Variants in NRG3 observed in about 807,000 individuals in gnomAD.
NRG3 encodes the protein neuregulin 3, also known as pro-neuregulin-3, membrane-bound isoform.
In NRG3, 31 loss-of-function variants were observed where a neutral mutation model predicts 66.9. The ratio of observed to expected loss-of-function variants is 0.46; its 90% CI spans 0.35 to 0.63. The LOEUF (loss-of-function observed/expected upper bound fraction) is 0.63, where lower values mean the gene tolerates loss of function less well. Among genes scored for constraint, NRG3 ranks in the 20% least tolerant of loss-of-function variants. The probability of loss-of-function intolerance (pLI) is 0.00; values close to 1 mark genes in which losing one functional copy is unlikely to be tolerated. For missense variants in NRG3, 910 were observed against 878.9 expected (o/e 1.04, Z -0.45); for synonymous variants, 393 against 359.4 (o/e 1.09, Z -1.06).
chr10:82,353,372 A>G (rs2083555868), intron 1 of NRG3, among the ~76,000 whole-genome samples: 2 of 152,188 alleles, frequency 1.3e-5, no homozygotes, highest in African/African-American at 2.4e-5. Context: ...CAATTCATTA[A>G]TAAATTAACT....
intron 4 of NRG3, among the ~76,000 whole-genome samples, chr10:82,950,375 G>A (rs984314868): frequency 4.6e-5 from 7 of 152,134 alleles, no homozygotes; most frequent in East Asian, 1.9e-4. Flanking sequence ...GTGTGGAGAC[G>A]ATATGGCTGA....
At chr10:82,818,203 T>C (rs759843660) in intron 3 of NRG3, among the ~76,000 whole-genome samples, 1 of 152,182 alleles carries the variant, frequency 6.6e-6, no homozygotes, top group Non-Finnish European at 1.5e-5. Context: ...TAACGCAGCG[T>C]TGCCATGGCA....
intron 1 of NRG3, among the ~76,000 whole-genome samples, chr10:82,033,858 A>T (rs370286673): frequency 2.6e-5 from 4 of 152,122 alleles, no homozygotes; most frequent in Admixed American, 1.3e-4. Context: ...CCTTGAAACT[A>T]ATTTATATTA....
chr10:82,845,731 G>GA, intron 3 of NRG3, among the ~76,000 whole-genome samples: 1 of 152,138 alleles, frequency 6.6e-6, no homozygotes, highest in African/African-American at 2.4e-5. Flanking sequence ...TTAACAAAAG[G>GA]AAAAAATGAA....
intron 3 of NRG3, among the ~76,000 whole-genome samples, chr10:82,739,523 C>T (rs2058317240): frequency 6.6e-6 from 1 of 152,134 alleles, no homozygotes; most frequent in Admixed American, 6.6e-5. Context: ...GGACAGAGGT[C>T]GCCCTGCCTG....
chr10:82,106,911 A>G (rs982675267), intron 1 of NRG3, among the ~76,000 whole-genome samples: 2 of 152,186 alleles, frequency 1.3e-5, no homozygotes, highest in Admixed American at 1.3e-4. Context: ...TCTTTGCCCA[A>G]AATGTTACAC....
chr10:82,083,845 G>A (rs934434860), intron 1 of NRG3, among the ~76,000 whole-genome samples: 3 of 150,952 alleles, frequency 2.0e-5, no homozygotes, highest in Non-Finnish European at 3.0e-5. Context: ...TCAAACTCCC[G>A]ACCTCAGGTG....
intron 2 of NRG3, among the ~76,000 whole-genome samples, chr10:82,596,161 T>G (rs2133355087): frequency 6.6e-6 from 1 of 152,302 alleles, no homozygotes; most frequent in African/African-American, 2.4e-5. Context: ...TTTTGCTAAC[T>G]TCCCAGAGAG....
intron 1 of NRG3, among the ~76,000 whole-genome samples, chr10:81,976,380 C>G (rs1278010255): frequency 6.6e-6 from 1 of 152,148 alleles, no homozygotes; most frequent in Non-Finnish European, 1.5e-5. Context: ...TCCACCCCTT[C>G]TTCATTCATC....
rs559969722 is a variant in NRG3 at position 82,061,439 on chromosome 10, A to G, written c.823+185276A>G. Among the ~76,000 whole-genome samples, 154 of 152,268 alleles carry G rather than the reference A, an allele frequency of 1.0e-3. 2 individuals carry two copies. Among genetic ancestry groups the G allele is most frequent in the Admixed American group, 0.01 (154 of 15,294 alleles). On this transcript the variant is annotated intron_variant, in intron 1 of 8. Transcript: ENST00000372141. ...ACTCCTTGGAGATCTAGTTGAATTT[A>G]TATTGTTCTTCCAATTCTCAGGTCT...
intron 2 of NRG3, among the ~76,000 whole-genome samples, chr10:82,596,600 T>C (rs1488185992): frequency 6.6e-6 from 1 of 152,146 alleles, no homozygotes; most frequent in Non-Finnish European, 1.5e-5. Context: ...GTTGGTAGCT[T>C]AATCAACTAT....
At chr10:82,761,335 G>A (rs2059296624) in intron 3 of NRG3, among the ~76,000 whole-genome samples, 1 of 151,884 alleles carries the variant, frequency 6.6e-6, no homozygotes, top group African/African-American at 2.4e-5. Context: ...AAGAAAATAA[G>A]GCATTTTTAG....
intron 1 of NRG3, among the ~76,000 whole-genome samples, chr10:82,342,390 C>T (rs764944987): frequency 3.0e-4 from 46 of 151,918 alleles, no homozygotes; most frequent in Non-Finnish European, 5.5e-4. Context: ...CCATCAACAA[C>T]GTATTAGCAT....
At chr10:82,426,176 A>G (rs2089426086) in intron 2 of NRG3, among the ~76,000 whole-genome samples, 2 of 152,158 alleles carry the variant, frequency 1.3e-5, no homozygotes, top group African/African-American at 4.8e-5. Context: ...ATTTCAAAAT[A>G]CAACACCAGA....
chr10:81,925,383 G>A (rs1846666201), intron 1 of NRG3, among the ~76,000 whole-genome samples: 1 of 152,084 alleles, frequency 6.6e-6, no homozygotes, highest in African/African-American at 2.4e-5. Context: ...CCAAAGCAAG[G>A]GTTTGAATTA....
chr10:82,269,560 G>T (rs773156592), intron 1 of NRG3, among the ~76,000 whole-genome samples: 1 of 152,018 alleles, frequency 6.6e-6, no homozygotes, highest in Non-Finnish European at 1.5e-5. Context: ...AGAGTCAGCC[G>T]AAATGAAGAC....
intron 1 of NRG3, among the ~76,000 whole-genome samples, chr10:82,239,616 A>T (rs184290173): frequency 6.6e-6 from 1 of 152,306 alleles, no homozygotes; most frequent in Admixed American, 6.5e-5. Flanking sequence ...GGCAGTCTTA[A>T]ATATCACAAA....
In NRG3 at chr10:82,985,655, G is replaced by C; in HGVS notation, c.*50G>C. On this transcript the variant is annotated 3_prime_UTR_variant, in exon 9 of 9. Coordinates refer to ENST00000372141, the MANE Select transcript of NRG3 (RefSeq NM_001010848.4). The stretch of plus-strand genomic sequence containing the variant: ...TCTATGCTTTGCTCAACAGGAAAGA[G>C]AGGAAATCAAATACAAATTATTTAT... 3.9e-6 allele frequency: 6 copies of C among 1,546,994 alleles called. No homozygotes were observed. Among genetic ancestry groups the C allele is most frequent in the Non-Finnish European group, 5.2e-6 (6 of 1,154,266 alleles).
rs80095131 is a variant in NRG3 at position 82,738,123 on chromosome 10, C to G, written c.954-454C>G. On this transcript the variant is annotated intron_variant, in intron 2 of 8. Coordinates refer to ENST00000372141, the MANE Select transcript of NRG3 (RefSeq NM_001010848.4). ...TAACAGTGAACAAGCTAATAAAACA[C>G]ATGGAAACCAAATTAGTGGTAGCCA... Among the ~76,000 whole-genome samples the G allele has an allele frequency of 4.8e-3, 720 of 150,966 alleles. 4 individuals are homozygous for G. The highest frequency in any genetic ancestry group is 0.016 in the African/African-American group (663 of 41,204).
Sources: allele counts gnomAD v4.1 joint callset (sites outside exome capture counted in the v4.1 genomes callset), GRCh38; gene constraint gnomAD v4.1.1; transcripts MANE v1.5; gene names NCBI Gene and HGNC (gene_info 2026-07-23, HGNC 2026-07-21).